Variants in EPHX4 observed in about 807,000 individuals in gnomAD.
The protein encoded by EPHX4 is abhydrolase domain containing 7.
Under a neutral mutation model 44.9 loss-of-function variants are expected in EPHX4, and 31 were observed. The ratio of observed to expected loss-of-function variants is 0.69; its 90% confidence interval spans 0.52 to 0.93. The LOEUF (loss-of-function observed/expected upper bound fraction) is 0.93. EPHX4 is among the 40% of genes least tolerant of loss of function. The pLI is 0.00. For synonymous variants in EPHX4, 151 were observed against 159.7 expected, an observed-to-expected ratio of 0.95 and a Z score of 0.41; for missense variants, 373 against 438.1, an observed-to-expected ratio of 0.85 and a Z score of 1.33.
Position 92,030,386 on chromosome 1 carries a change from C to T in EPHX4, c.231+76C>T, listed in dbSNP as rs1166745255. On this transcript the variant is annotated intron_variant, in intron 1 of 6. Coordinates refer to ENST00000370383, the MANE Select transcript of EPHX4 (RefSeq NM_173567.5). ...GAGGGTGGGGGGCTCCGGGCTTCTC[C>T]TTCCGAGACGCTGGCTCAGCGTCCC... 2.0e-5 allele frequency: 27 copies of T among 1,322,252 alleles called. 1 individual carries two copies. In the Admixed American group the frequency reaches 6.3e-4, roughly 31 times the overall value. 81.9% of individuals were successfully genotyped at this position (1,322,252 alleles called of 1,614,324 possible). A position where few individuals can be genotyped will look rare whatever the true frequency, so the allele number is the denominator to read the frequency against.
intron 6 of EPHX4, among the ~76,000 whole-genome samples, chr1:92,056,038 T>A (rs1451256676): frequency 6.6e-6 from 1 of 152,106 alleles, no homozygotes; most frequent in African/African-American, 2.4e-5. Flanking sequence ...CGAGCAGGCC[T>A]ATAAACTTCA....
rs140016953 is a variant in EPHX4, at chr1:92,051,815, T to C, written c.709-695T>C. Among the ~76,000 whole-genome samples, 397 of 152,350 alleles carry C rather than the reference T, an allele frequency of 2.6e-3. 1 individual carries two copies. The highest frequency in any genetic ancestry group is 9.1e-3 in the African/African-American group (379 of 41,584). On this transcript the variant is annotated intron_variant, in intron 5 of 6. Transcript: ENST00000370383. ...TTAGTATACATTAGTGATCATAGCC[T>C]AGGCCCATTATTTCATTAGGGTATG... is the stretch of plus-strand genomic sequence containing the variant.
chr1:92,053,845 G>A (rs1647305290), intron 6 of EPHX4, among the ~76,000 whole-genome samples: 4 of 152,128 alleles, frequency 2.6e-5, no homozygotes, highest in Admixed American at 2.6e-4. Flanking sequence ...ACTTTTGGGT[G>A]ATACCTTAGA....
intron 4 of EPHX4, among the ~76,000 whole-genome samples, chr1:92,047,884 C>T (rs978976499): frequency 4.6e-5 from 7 of 152,144 alleles, no homozygotes; most frequent in East Asian, 1.9e-4. Context: ...TTCACATGGA[C>T]GATACTTTGA....
chr1:92,055,720 T>C (rs1647352884), intron 6 of EPHX4, among the ~76,000 whole-genome samples: 1 of 152,126 alleles, frequency 6.6e-6, no homozygotes, highest in Non-Finnish European at 1.5e-5. Flanking sequence ...GAAAATAGAA[T>C]GGCACATTTT....
intron 6 of EPHX4, among the ~76,000 whole-genome samples, chr1:92,057,837 G>A (rs1647403555): frequency 6.6e-6 from 1 of 152,074 alleles, no homozygotes; most frequent in Non-Finnish European, 1.5e-5. Context: ...CTGACCTCAG[G>A]TGATCCACCC....
chr1:92,046,662 C>T (rs1013724696), intron 4 of EPHX4, among the ~76,000 whole-genome samples: 2 of 152,106 alleles, frequency 1.3e-5, no homozygotes, highest in Non-Finnish European at 2.9e-5. Flanking sequence ...CAGGGTTTCG[C>T]CGTGCTGGTC....
Position 92,030,088 on chromosome 1 carries a change from G to A in EPHX4, c.9G>A (p.Arg3=). 1 of 1,597,768 alleles carries A rather than the reference G, an allele frequency of 6.3e-7. No homozygotes were observed. Among genetic ancestry groups the A allele is most frequent in the Non-Finnish European group, 8.5e-7 (1 of 1,173,974 alleles). MA[R]LRDCLPRLML... is the part of the protein sequence containing the mutation. Reference sequence around the variant, plus strand: ...CCCGCCGCCGCCTCCCAATGGCGAGGCTGCGGGATTGCCTGCCCCGCCTGA... The same window carrying A: ...CCCGCCGCCGCCTCCCAATGGCGAGACTGCGGGATTGCCTGCCCCGCCTGA... The change falls in exon 1 of 7, where the codon AGG becomes AGA. Residue 3 remains arginine (R), a synonymous_variant. Coordinates refer to ENST00000370383, the MANE Select transcript of EPHX4 (RefSeq NM_173567.5).
At chr1:92,057,425 G>T (rs373737034) in intron 6 of EPHX4, among the ~76,000 whole-genome samples, 2 of 152,146 alleles carry the variant, frequency 1.3e-5, no homozygotes, top group East Asian at 3.9e-4. Context: ...TTAGAACTTT[G>T]ACAAAACAGG....
At chr1:92,040,605 G>A (rs763565270) in intron 2 of EPHX4, among the ~76,000 whole-genome samples, 5 of 152,202 alleles carry the variant, frequency 3.3e-5, no homozygotes, top group South Asian at 2.1e-4. Context: ...CATTACAGGC[G>A]TGAGCCACCG....
intron 6 of EPHX4, among the ~76,000 whole-genome samples, chr1:92,060,279 T>C (rs908824354): frequency 1.3e-5 from 2 of 151,556 alleles, no homozygotes; most frequent in Non-Finnish European, 2.9e-5. Context: ...TCAGCTGTTG[T>C]GGCATGCCTC....
chr1:92,042,386 T>C (rs992165725), intron 2 of EPHX4, among the ~76,000 whole-genome samples: 11 of 151,778 alleles, frequency 7.2e-5, no homozygotes, highest in Non-Finnish European at 1.2e-4. Flanking sequence ...CAGCTATATA[T>C]CTGTTCTAAA....
chr1:92,030,471 T>TGG (rs1688342011), intron 1 of EPHX4, among the ~76,000 whole-genome samples, 161 bp downstream of exon 1: 1 of 143,446 alleles, frequency 7.0e-6, no homozygotes, highest in Non-Finnish European at 1.5e-5. Context: ...TGTGTGTGTG[T>TGG]GTGTGTGTGT....
rs1325139489 is a variant in EPHX4, at chr1:92,037,509, C to A, written c.317+4919C>A. 4.3e-4 allele frequency among the ~76,000 whole-genome samples: 66 copies of A among 152,326 alleles called. 1 individual carries two copies. In the East Asian group the frequency reaches 0.012, roughly 28 times the overall value. On this transcript the variant is annotated intron_variant, in intron 2 of 6. Coordinates refer to ENST00000370383, the MANE Select transcript of EPHX4 (RefSeq NM_173567.5). Reference sequence around the variant, plus strand: ...CACTCTCTCTCTCCACTTCAATTTGCATCTCCTTTAAAAATATTTTGAGCT... The same window carrying A: ...CACTCTCTCTCTCCACTTCAATTTGAATCTCCTTTAAAAATATTTTGAGCT...
chr1:92,060,441 CA>C lies in EPHX4; in HGVS notation c.858-2602del, dbSNP rs111746173. Among the ~76,000 whole-genome samples the C allele has an allele frequency of 8.3e-3, 985 of 119,128 alleles. 7 individuals are homozygous for C. The highest frequency in any genetic ancestry group is 0.032 in the Middle Eastern group (7 of 222). The allele number at this position is 119,128 out of a possible 152,430, so 78.2% of individuals were successfully genotyped here. ...TGGGTGATACGTCAAGACCCTGTCTCAAAAAAAAAAAATAGTTTTTAAATTA... is the reference window on the plus strand; with the variant it reads ...TGGGTGATACGTCAAGACCCTGTCTCAAAAAAAAAAATAGTTTTTAAATTA... On this transcript the variant is annotated intron_variant, in intron 6 of 6. Coordinates refer to ENST00000370383, the MANE Select transcript of EPHX4 (RefSeq NM_173567.5).
At position 92,045,630 on chromosome 1, in the gene EPHX4, A is replaced by G; in HGVS notation, c.574A>G (p.Ile192Val). 6.2e-7 allele frequency: 1 copy of G among 1,614,026 alleles called. No homozygotes were observed. The highest frequency in any genetic ancestry group is 8.5e-7 in the Non-Finnish European group (1 of 1,179,962). ...YPEMVMKLIV[I>V]NFPHPNVFTE... ...TGAAATGGTGATGAAGCTTATTGTT[A>G]TTAACTTCCCTCATCCAAATGTATT... Residue 192 changes from isoleucine to valine, a missense_variant, in exon 4 of 7, where the codon ATT becomes GTT. Ile to Val is a conservative substitution (Grantham distance 29). Coordinates refer to ENST00000370383, the MANE Select transcript of EPHX4 (RefSeq NM_173567.5).
chr1:92,041,638 A>G (rs1688509876), intron 2 of EPHX4, among the ~76,000 whole-genome samples: 2 of 152,202 alleles, frequency 1.3e-5, no homozygotes, highest in Non-Finnish European at 2.9e-5. Context: ...TCACTTTTTT[A>G]TACTTGATAA....
intron 5 of EPHX4, among the ~76,000 whole-genome samples, chr1:92,051,692 C>A (rs2101873473): frequency 6.6e-6 from 1 of 152,268 alleles, no homozygotes; most frequent in South Asian, 2.1e-4. Context: ...ATGCATGATA[C>A]CTACTTGGTC....
rs756689849 is a variant in EPHX4, at chr1:92,045,515, T to A, written c.476-17T>A. On this transcript the variant is annotated splice_polypyrimidine_tract_variant and intron_variant, in intron 3 of 6. Transcript: ENST00000370383. Reference sequence around the variant, plus strand: ...TGTTTCTTTTTAATGATGTCAACATTTATTTCTTGTTTACAGGGTATAGCA... The same window carrying A: ...TGTTTCTTTTTAATGATGTCAACATATATTTCTTGTTTACAGGGTATAGCA... 5 of 1,613,010 alleles carry A rather than the reference T, an allele frequency of 3.1e-6. No individual in the cohort carries two copies. Among genetic ancestry groups the A allele is most frequent in the South Asian group, 2.2e-5 (2 of 90,610 alleles).
Sources: gnomAD v4.1 joint callset for allele counts (sites outside exome capture counted in the v4.1 genomes callset) on GRCh38, gnomAD v4.1.1 for gene constraint, MANE v1.5 for transcripts, NCBI Gene and HGNC (gene_info 2026-07-23, HGNC 2026-07-21) for gene names.